CPLANE1: variants seen among roughly 807,000 people sequenced by gnomAD.
The protein encoded by CPLANE1 is ciliogenesis and planar polarity effector complex subunit 1, also known as ciliogenesis and planar polarity effector 1.
A neutral mutation model predicts 362.5 loss-of-function variants in CPLANE1; 263 were observed. That is an observed-to-expected ratio of 0.73 (90% CI 0.66 to 0.80). CPLANE1 has a LOEUF of 0.80. Among genes scored for constraint, CPLANE1 ranks in the 30% least tolerant of loss-of-function variants. CPLANE1 has a pLI of 0.00. For missense variants in CPLANE1, 3,461 were observed against 3,793.4 expected, an observed-to-expected ratio of 0.91 and a Z score of 2.30; for synonymous variants, 1,212 against 1,302.6, an observed-to-expected ratio of 0.93 and a Z score of 1.50.
chr5:37,159,978 CA>C (rs1561446563), intron 38 of CPLANE1, among the ~76,000 whole-genome samples: 2 of 151,324 alleles, frequency 1.3e-5, no homozygotes. Context: ...AAAGAGAAAA[CA>C]AAAAAATTTC....
the CPLANE1 span, among the ~76,000 whole-genome samples, chr5:37,088,045 T>C: frequency 6.6e-6 from 1 of 152,168 alleles, no homozygotes; most frequent in Non-Finnish European, 1.5e-5. Flanking sequence ...GTACAACAAC[T>C]AGATTTTGAT....
At chr5:37,143,342 T>C (rs182472721) in intron 43 of CPLANE1, among the ~76,000 whole-genome samples, 222 of 152,168 alleles carry the variant, frequency 1.5e-3, no homozygotes, top group Admixed American at 3.2e-3. Context: ...TGTGCACATA[T>C]GAAATACAAT....
chr5:37,188,253 G>A (rs1784562141), intron 21 of CPLANE1, among the ~76,000 whole-genome samples: 1 of 151,982 alleles, frequency 6.6e-6, no homozygotes, highest in African/African-American at 2.4e-5. Flanking sequence ...GTGTTCCATT[G>A]TATGGAGCAT....
chr5:37,183,486 G>A lies in CPLANE1; in HGVS notation c.4695C>T (p.Asp1565=), dbSNP rs965695106. The A allele has an allele frequency of 9.3e-6, 15 of 1,613,038 alleles. No homozygotes were observed. In the African/African-American group the frequency reaches 2.0e-4, roughly 22 times the overall value. ...TGTCAGCATCCCTGGAATAAGGTAG[G>A]TCTCTTTCAAGAATGTAACTCAAAA... ...DLFLSYILER[D]LPYSRDADIP... The change falls in exon 26 of 53, where the codon GAC becomes GAT. Residue 1565 remains aspartate, a synonymous_variant. Transcript: ENST00000651892.
intron 51 of CPLANE1, among the ~76,000 whole-genome samples, chr5:37,109,362 C>T (rs1014449505): frequency 6.6e-6 from 1 of 152,180 alleles, no homozygotes; most frequent in African/African-American, 2.4e-5. Context: ...GGCTAATAAG[C>T]ACTTTTACAT....
rs57396930 is a variant in CPLANE1 at position 37,227,876 on chromosome 5, T to G, written c.1122-59A>C. 8.3e-3 allele frequency: 11,952 copies of G among 1,440,276 alleles called. 805 individuals are homozygous for G. In the African/African-American group the frequency reaches 0.15, roughly 18 times the overall value. 89.2% of individuals were successfully genotyped at this position (1,440,276 alleles called of 1,614,324 possible). A position where few individuals can be genotyped will look rare whatever the true frequency, so the allele number is the denominator to read the frequency against. Reference sequence around the variant, plus strand: ...AAGAGAAAGATCTTACGGAAAACAATAATGTTTTTCAAAAAAGAAGAAAAA... The same window carrying G: ...AAGAGAAAGATCTTACGGAAAACAAGAATGTTTTTCAAAAAAGAAGAAAAA... On this transcript the variant is annotated intron_variant, in intron 9 of 52. Coordinates refer to ENST00000651892, the MANE Select transcript of CPLANE1 (RefSeq NM_001384732.1).
At chr5:37,201,862 T>C in intron 18 of CPLANE1, 54 bp from the exon 19 acceptor site, 1 of 1,289,906 alleles carries the variant, frequency 7.8e-7, no homozygotes, top group Non-Finnish European at 1.1e-6. Context: ...AAACTTCTTA[T>C]CCATTTTGTA....
At chr5:37,187,281 T>C in intron 23 of CPLANE1, 133 bp downstream of exon 23, 1 of 733,626 alleles carries the variant, frequency 1.4e-6, no homozygotes, top group Non-Finnish European at 2.2e-6. Context: ...TATTTACCTT[T>C]TTGAACCCAC....
intron 51 of CPLANE1, 33 bp from the exon 52 acceptor site, chr5:37,108,504 GATTGATTC>G: frequency 6.4e-7 from 1 of 1,553,714 alleles, no homozygotes; most frequent in Non-Finnish European, 8.7e-7. Context: ...CACACATTGG[GATTGATTC>G]ATTCATTCAT....
rs377625683 is a variant in CPLANE1 at position 37,198,650 on chromosome 5, T to C, written c.3672+52A>G. ...ACAATTATAAAAACAATAATATAAATATGAGTAATTTCAGTTAACACAGCA... is the reference window on the plus strand; with the variant it reads ...ACAATTATAAAAACAATAATATAAACATGAGTAATTTCAGTTAACACAGCA... On this transcript the variant is annotated intron_variant, in intron 20 of 52. Coordinates refer to ENST00000651892, the MANE Select transcript of CPLANE1 (RefSeq NM_001384732.1). 17 of 1,493,464 alleles carry C rather than the reference T, an allele frequency of 1.1e-5. No individual in the cohort carries two copies. The Middle Eastern group carries it at 8.8e-4, about 77-fold the overall frequency. 92.5% of individuals were successfully genotyped at this position (1,493,464 alleles called of 1,614,324 possible).
At chr5:37,220,125 ACC>A (rs1016157040) in intron 15 of CPLANE1, among the ~76,000 whole-genome samples, 7 of 151,896 alleles carry the variant, frequency 4.6e-5, no homozygotes, top group African/African-American at 1.7e-4. Context: ...GGTGGCACAC[ACC>A]TGTAGTCCCA....
intron 1 of CPLANE1, among the ~76,000 whole-genome samples, chr5:37,248,248 CT>C (rs1203156503): frequency 2.0e-5 from 3 of 152,098 alleles, no homozygotes; most frequent in African/African-American, 7.2e-5. Context: ...TTGCCTCAGC[CT>C]CCCGAGTAGC....
intron 15 of CPLANE1, among the ~76,000 whole-genome samples, chr5:37,215,843 G>A (rs1310266955): frequency 1.1e-5 from 1 of 87,530 alleles, no homozygotes; most frequent in Non-Finnish European, 2.3e-5. Flanking sequence ...TTTCTTTTTT[G>A]TTTTTTGAGA....
At chr5:37,171,686 A>G (rs948204711) in intron 32 of CPLANE1, among the ~76,000 whole-genome samples, 1 of 152,138 alleles carries the variant, frequency 6.6e-6, no homozygotes, top group African/African-American at 2.4e-5. Context: ...TATCATTCAT[A>G]ATCCTACCCT....
In CPLANE1 at chr5:37,189,302, T is replaced by C. The variant is rs10079646; in HGVS notation, c.3812-1460A>G. ...TGGAAAGTGGGCAGAAAGCAGGTCT[T>C]CTACACATTCTATTCATCCCAATAG... On this transcript the variant is annotated intron_variant, in intron 21 of 52. Coordinates refer to ENST00000651892, the MANE Select transcript of CPLANE1 (RefSeq NM_001384732.1). Among the ~76,000 whole-genome samples the C allele has an allele frequency of 8.5e-3, 1,299 of 152,290 alleles. 21 individuals are homozygous for C. Among genetic ancestry groups the C allele is most frequent in the African/African-American group, 0.03 (1,229 of 41,556 alleles).
chr5:37,134,458 G>C (rs927601170), intron 46 of CPLANE1, among the ~76,000 whole-genome samples: 6 of 152,150 alleles, frequency 3.9e-5, no homozygotes, highest in African/African-American at 1.4e-4. Context: ...AGGATCTTTT[G>C]TATTTCTGTG....
At position 37,170,202 on chromosome 5, in the gene CPLANE1, T is replaced by C. The variant is rs201739330; in HGVS notation, c.6301A>G (p.Arg2101Gly). ...CTGTCTTCAACATCACCACATCCTC[T>C]TAGGTTTGATTCTTGGCTTTCCCCT... ...HLGESQESNLRGCGDVEDSNK... is the reference protein window; with the variant it reads ...HLGESQESNLGGCGDVEDSNK... Residue 2101 changes from arginine (R) to glycine (G), a missense_variant, in exon 33 of 53, where the codon AGA (arginine) becomes GGA (glycine). This residue lies in a region of CPLANE1 where 3,380 missense variants were observed against 3,666.1 expected (regional missense o/e 0.92). Coordinates refer to ENST00000651892, the MANE Select transcript of CPLANE1 (RefSeq NM_001384732.1). 2.1e-5 allele frequency: 34 copies of C among 1,614,064 alleles called. No individual in the cohort carries two copies. Among genetic ancestry groups the C allele is most frequent in the Non-Finnish European group, 2.9e-5 (34 of 1,180,040 alleles).
chr5:37,132,154 T>C (rs1379648749), intron 46 of CPLANE1, among the ~76,000 whole-genome samples: 1 of 152,088 alleles, frequency 6.6e-6, no homozygotes, highest in Non-Finnish European at 1.5e-5. Flanking sequence ...TAGAAATTAG[T>C]GGAATCCTTT....
Position 37,121,765 on chromosome 5 carries a change from A to G in CPLANE1, c.9037T>C (p.Tyr3013His). The change falls in exon 49 of 53, where the codon TAT (tyrosine) becomes CAT (histidine). Residue 3013 changes from tyrosine to histidine, a missense_variant. Transcript: ENST00000651892. Reference sequence around the variant, plus strand: ...TACGCTTGTGAGATTCGACGACTATAGTGTTCAGAGAGCAGCAATCTGTAG... The same window carrying G: ...TACGCTTGTGAGATTCGACGACTATGGTGTTCAGAGAGCAGCAATCTGTAG... The part of the protein sequence containing the change: ...EKDRLLLSEH[Y>H]SRRISQAYGL... 6.2e-7 allele frequency: 1 copy of G among 1,613,886 alleles called. No individual in the cohort carries two copies. The highest frequency in any genetic ancestry group is 8.5e-7 in the Non-Finnish European group (1 of 1,179,780).
Sources: allele counts gnomAD v4.1 joint callset (sites outside exome capture counted in the v4.1 genomes callset), GRCh38; gene constraint gnomAD v4.1.1; regional missense constraint gnomAD v4.1.1; transcripts MANE v1.5; gene names NCBI Gene and HGNC (gene_info 2026-07-23, HGNC 2026-07-21).